The following ACO2 variants were observed in gnomAD, a reference collection of about 807,000 sequenced individuals.
ACO2 encodes the protein aconitate hydratase, mitochondrial.
Under a neutral mutation model 84.5 loss-of-function variants are expected in ACO2, and 31 were observed. The ratio of observed to expected loss-of-function variants is 0.37; its 90% CI spans 0.28 to 0.50. The LOEUF is 0.50. ACO2 is among the 20% of genes least tolerant of loss of function. The probability of loss-of-function intolerance (pLI) is 0.97; values close to 1 mark genes in which losing one functional copy is unlikely to be tolerated. For missense variants in ACO2, 685 were observed against 1,029.3 expected (o/e 0.67, Z 4.58); for synonymous variants, 414 against 412.7 (o/e 1.00, Z -0.04).
Position 41,528,527 on chromosome 22 carries a change from C to T in ACO2, c.2257C>T (p.Leu753Phe). 4 of 1,613,024 alleles carry T rather than the reference C, an allele frequency of 2.5e-6. No individual in the cohort carries two copies. In the East Asian group the frequency reaches 6.7e-5, roughly 27 times the overall value. The change falls in exon 18 of 18, where the codon CTC (leucine) becomes TTC (phenylalanine). Residue 753 changes from leucine (L) to phenylalanine (F), a missense_variant. Transcript: ENST00000216254. Reference protein sequence around the residue: ...KHPNGTQETILLNHTFNETQI... With the variant: ...KHPNGTQETIFLNHTFNETQI... ...CCCCAACGGGACCCAGGAGACCATC[C>T]TCCTGAACCACACCTTCAACGAGAC...
At chr22:41,510,690 C>A (rs1017572420) in intron 3 of ACO2, among the ~76,000 whole-genome samples, 4 of 152,210 alleles carry the variant, frequency 2.6e-5, no homozygotes, top group Admixed American at 2.6e-4. Context: ...GTCAGTCTCA[C>A]TGACCCCACA....
At chr22:41,495,588 T>C (rs530613631) in intron 1 of ACO2, among the ~76,000 whole-genome samples, 3 of 152,002 alleles carry the variant, frequency 2.0e-5, no homozygotes, top group Non-Finnish European at 4.4e-5. Context: ...TCTTGCCTAC[T>C]GACCAGGCAA....
intron 3 of ACO2, among the ~76,000 whole-genome samples, chr22:41,511,241 C>T (rs546220886): frequency 1.3e-5 from 2 of 152,324 alleles, no homozygotes; most frequent in African/African-American, 4.8e-5. Context: ...GGCACGATCT[C>T]GGCTCATTGC....
intron 1 of ACO2, among the ~76,000 whole-genome samples, chr22:41,477,821 C>A: frequency 6.6e-6 from 1 of 151,958 alleles, no homozygotes; most frequent in East Asian, 2.0e-4. Flanking sequence ...AATCCCAGCA[C>A]TTTGGGAGGC....
chr22:41,528,697 T>C lies in ACO2; in HGVS notation c.*84T>C, dbSNP rs2066658297. On this transcript the variant is annotated 3_prime_UTR_variant, in exon 18 of 18. Transcript: ENST00000216254. ...TGGATCCGATCCGTCCAGCCATGGC[T>C]TCCTATTCCAAGATGGTGTGACCAG... 20 of 1,533,962 alleles carry C rather than the reference T, an allele frequency of 1.3e-5. No individual in the cohort carries two copies. Among genetic ancestry groups the C allele is most frequent in the Non-Finnish European group, 1.7e-5 (19 of 1,141,284 alleles).
At chr22:41,470,457 C>A (rs1212074804) in intron 1 of ACO2, among the ~76,000 whole-genome samples, 2 of 148,750 alleles carry the variant, frequency 1.3e-5, no homozygotes, top group Admixed American at 6.9e-5. Context: ...CATCATTTAT[C>A]TGAAAGAAAA....
chr22:41,506,899 T>A (rs984227786), intron 2 of ACO2, among the ~76,000 whole-genome samples: 1 of 151,838 alleles, frequency 6.6e-6, no homozygotes, highest in African/African-American at 2.4e-5. Context: ...AACAGCCCCT[T>A]TGCTCTGTTG....
chr22:41,498,542 G>A (rs1187152679), intron 1 of ACO2, among the ~76,000 whole-genome samples: 1 of 152,166 alleles, frequency 6.6e-6, no homozygotes, highest in Non-Finnish European at 1.5e-5. Flanking sequence ...GGGTTGAACC[G>A]GGGCTGGAGC....
chr22:41,517,071 A>G (rs1033594396), intron 6 of ACO2, among the ~76,000 whole-genome samples: 1 of 152,158 alleles, frequency 6.6e-6, no homozygotes, highest in African/African-American at 2.4e-5. Flanking sequence ...AGACAGACCA[A>G]GATCCGAATG....
intron 1 of ACO2, chr22:41,469,405 C>T (rs2037912665): frequency 2.1e-6 from 1 of 479,900 alleles, no homozygotes; most frequent in Non-Finnish European, 3.6e-6. Flanking sequence ...TCGCAAGAAG[C>T]GTGGGCCCAA....
chr22:41,490,485 A>C (rs2066264129), intron 1 of ACO2, among the ~76,000 whole-genome samples: 1 of 152,242 alleles, frequency 6.6e-6, no homozygotes, highest in South Asian at 2.1e-4. Flanking sequence ...TGCATGAGCC[A>C]GAATTTATTC....
At chr22:41,517,746 C>A in intron 7 of ACO2, 115 bp downstream of exon 7, 2 of 900,522 alleles carry the variant, frequency 2.2e-6, no homozygotes, top group South Asian at 1.4e-5. Context: ...TGTCTCCAGA[C>A]AGGCGTCCGA....
At chr22:41,521,524 G>A (rs1010322306) in intron 9 of ACO2, 1 of 152,184 alleles carries the variant, frequency 6.6e-6, no homozygotes, top group African/African-American at 2.4e-5. Context: ...AGGTGGTGTT[G>A]GGCCTACTGC....
At position 41,520,757 on chromosome 22, in the gene ACO2, G is replaced by A. The variant is rs140944754; in HGVS notation, c.1138+481G>A. On this transcript the variant is annotated intron_variant, in intron 9 of 17. Transcript: ENST00000216254. ...CTTGGGAGGCTGAGGCAGGAGAATCGCTTGAACCCAGGAGGCGGAGGTTGC... is the reference window on the plus strand; with the variant it reads ...CTTGGGAGGCTGAGGCAGGAGAATCACTTGAACCCAGGAGGCGGAGGTTGC... 6.6e-3 allele frequency among the ~76,000 whole-genome samples: 995 copies of A among 151,774 alleles called. 10 individuals are homozygous for A. The highest frequency in any genetic ancestry group is 0.023 in the African/African-American group (969 of 41,290).
intron 15 of ACO2, 22 bp from the exon 16 acceptor site, chr22:41,527,266 C>CT (rs2066620411): frequency 5.0e-6 from 8 of 1,614,110 alleles, no homozygotes; most frequent in Non-Finnish European, 6.8e-6. Context: ...GCCTTATAAC[C>CT]TTACCCCCGC....
chr22:41,478,377 C>G lies in ACO2; in HGVS notation c.36+9195C>G, dbSNP rs1452485566. The stretch of plus-strand genomic sequence containing the variant: ...AAAGCTGGTCTCCAACTCCTGACCT[C>G]AAGTGGTCCAGCTGCCCCAGCTTCC... On this transcript the variant is annotated intron_variant, in intron 1 of 17. Coordinates refer to ENST00000216254, the MANE Select transcript of ACO2 (RefSeq NM_001098.3). Among the ~76,000 whole-genome samples, 3 of 152,152 alleles carry G rather than the reference C, an allele frequency of 2.0e-5. No homozygotes were observed. The South Asian group carries it at 6.2e-4, about 31-fold the overall frequency.
Position 41,515,670 on chromosome 22 carries a change from A to G in ACO2, c.685-97A>G, listed in dbSNP as rs1463137222. 18 of 1,600,206 alleles carry G rather than the reference A, an allele frequency of 1.1e-5. No individual in the cohort carries two copies. Among genetic ancestry groups the G allele is most frequent in the Middle Eastern group, 2.1e-4 (1 of 4,728 alleles). On this transcript the variant is annotated intron_variant, in intron 5 of 17. Coordinates refer to ENST00000216254, the MANE Select transcript of ACO2 (RefSeq NM_001098.3). This position sits in a 1 kb window ranked among gnomAD's most constrained non-coding sequence, Gnocchi z 5.8. ...TCTTCTGGGAGGGAGGTAGAGACCA[A>G]TAAGCAGCAATGTGAATGGCAGCAG...
intron 1 of ACO2, among the ~76,000 whole-genome samples, chr22:41,494,564 A>G (rs1382821069): frequency 1.3e-5 from 2 of 151,204 alleles, no homozygotes; most frequent in Non-Finnish European, 2.9e-5. Context: ...GTCGTACGCC[A>G]CCATGTCCGG....
intron 12 of ACO2, among the ~76,000 whole-genome samples, chr22:41,524,365 G>A (rs1601928345): frequency 6.6e-6 from 1 of 152,266 alleles, no homozygotes; most frequent in East Asian, 1.9e-4. Context: ...CGTGGCCAGA[G>A]TGAGCCTTGC....
Sources: gnomAD v4.1 joint callset for allele counts (sites outside exome capture counted in the v4.1 genomes callset) on GRCh38, gnomAD v4.1.1 for gene constraint, Gnocchi (gnomAD v3.1) non-coding constraint, MANE v1.5 for transcripts, NCBI Gene and HGNC (gene_info 2026-07-23, HGNC 2026-07-21) for gene names.